GRIN2B: variants seen among roughly 807,000 people sequenced by gnomAD.
GRIN2B encodes the protein glutamate ionotropic receptor NMDA type subunit 2B, also known as glutamate receptor ionotropic, NMDA 2B.
A neutral mutation model predicts 114.5 loss-of-function variants in GRIN2B; 5 were observed. That is an observed-to-expected ratio of 0.04 (90% CI 0.02 to 0.09). GRIN2B has a LOEUF of 0.09. Among genes scored for constraint, GRIN2B ranks in the 10% least tolerant of loss-of-function variants. GRIN2B has a pLI of 1.00. For missense variants in GRIN2B, 1,108 were observed against 1,943.5 expected, an observed-to-expected ratio of 0.57 and a Z score of 8.08; for synonymous variants, 787 against 745.1, an observed-to-expected ratio of 1.06 and a Z score of -0.92.
chr12:13,853,975 A>T (rs529541662), intron 3 of GRIN2B, among the ~76,000 whole-genome samples: 1 of 152,242 alleles, frequency 6.6e-6, no homozygotes, highest in Non-Finnish European at 1.5e-5. Context: ...GTAGTCTAGC[A>T]GGACGGAGAA....
chr12:13,569,603 C>T (rs1047564455), intron 12 of GRIN2B, among the ~76,000 whole-genome samples: 2 of 152,192 alleles, frequency 1.3e-5, no homozygotes, highest in African/African-American at 4.8e-5. Context: ...GACGTCTAGT[C>T]TCTGGAAATG....
intron 4 of GRIN2B, among the ~76,000 whole-genome samples, chr12:13,716,040 C>CA (rs1307222637): frequency 4.6e-5 from 7 of 152,048 alleles, no homozygotes; most frequent in Admixed American, 1.3e-4. Context: ...AACAGCCACA[C>CA]AATCCTTTCT....
chr12:13,765,288 C>G lies in GRIN2B; in HGVS notation c.412-11373G>C, dbSNP rs146306492. On this transcript the variant is annotated intron_variant, in intron 3 of 13. Transcript: ENST00000609686. ...GCTCATAGTAGGACCACAACTAAAC[C>G]GGTTTTGTAGAACATGAGGTGAAAC... is the stretch of plus-strand genomic sequence containing the variant. 5.8e-4 allele frequency among the ~76,000 whole-genome samples: 89 copies of G among 152,304 alleles called. No individual in the cohort carries two copies. In the Middle Eastern group the frequency reaches 0.01, roughly 17 times the overall value.
intron 2 of GRIN2B, among the ~76,000 whole-genome samples, chr12:13,922,805 T>C (rs1442358258): frequency 6.6e-6 from 1 of 152,158 alleles, no homozygotes; most frequent in African/African-American, 2.4e-5. Context: ...CTCCAGTGGA[T>C]AAAATCTCCA....
chr12:13,622,785 C>T (rs537502759), intron 5 of GRIN2B, among the ~76,000 whole-genome samples: 4 of 152,268 alleles, frequency 2.6e-5, no homozygotes, highest in African/African-American at 9.6e-5. Context: ...AACAAATTCA[C>T]TCTCTCAATA....
intron 2 of GRIN2B, among the ~76,000 whole-genome samples, chr12:13,938,988 A>G (rs1347240176): frequency 6.6e-6 from 1 of 152,162 alleles, no homozygotes; most frequent in Non-Finnish European, 1.5e-5. Flanking sequence ...CTCATTCAGG[A>G]AAGAAAGAAA....
intron 3 of GRIN2B, among the ~76,000 whole-genome samples, chr12:13,768,038 C>G (rs933948779): frequency 1.3e-5 from 2 of 152,224 alleles, no homozygotes; most frequent in Non-Finnish European, 2.9e-5. Context: ...AACTCTTCAG[C>G]TACCTAATTG....
At chr12:13,752,743 G>A (rs1056994029) in intron 4 of GRIN2B, among the ~76,000 whole-genome samples, 3 of 152,176 alleles carry the variant, frequency 2.0e-5, no homozygotes, top group African/African-American at 7.2e-5. Flanking sequence ...GCTGGAGGAG[G>A]AAGAGACAAA....
intron 4 of GRIN2B, among the ~76,000 whole-genome samples, chr12:13,726,361 C>A (rs982331131): frequency 4.2e-4 from 63 of 151,780 alleles, no homozygotes; most frequent in Non-Finnish European, 6.5e-4. Context: ...ATGGTGAAAC[C>A]TTGTCTCTAC....
Position 13,543,110 on chromosome 12 carries a change from G to C in GRIN2B, c.*19673C>G, listed in dbSNP as rs1189955873. The C allele has an allele frequency of 6.6e-6, 1 of 152,042 alleles. No homozygotes were observed. The highest frequency in any genetic ancestry group is 1.5e-5 in the Non-Finnish European group (1 of 68,028). The allele number at this position is 152,042 out of a possible 1,614,324, so 9.4% of individuals were successfully genotyped here. ...TAATTTACATTCCTATCATATGGAAGTCAACATTTTGTTGACTTCAATATC... is the reference window on the plus strand; with the variant it reads ...TAATTTACATTCCTATCATATGGAACTCAACATTTTGTTGACTTCAATATC... On this transcript the variant is annotated 3_prime_UTR_variant, in exon 14 of 14. Coordinates refer to ENST00000609686, the MANE Select transcript of GRIN2B (RefSeq NM_000834.5).
intron 5 of GRIN2B, among the ~76,000 whole-genome samples, chr12:13,672,669 T>A (rs1348383975): frequency 6.6e-6 from 1 of 152,160 alleles, no homozygotes; most frequent in Admixed American, 6.6e-5. Flanking sequence ...ACACTAGACA[T>A]CTATCTTCCA....
chr12:13,678,909 C>T (rs1442948688), intron 4 of GRIN2B, among the ~76,000 whole-genome samples: 1 of 151,366 alleles, frequency 6.6e-6, no homozygotes, highest in African/African-American at 2.4e-5. Context: ...CTGGAGTCTT[C>T]AAATAAAGTT....
chr12:13,910,184 T>A (rs1223023829), intron 2 of GRIN2B, among the ~76,000 whole-genome samples: 1 of 152,184 alleles, frequency 6.6e-6, no homozygotes, highest in Non-Finnish European at 1.5e-5. Flanking sequence ...TTATTAAGTA[T>A]CCCTGGTGTG....
rs557836129 is a variant in GRIN2B at position 13,719,856 on chromosome 12, T to C, written c.1010+33461A>G. Among the ~76,000 whole-genome samples the C allele has an allele frequency of 3.3e-5, 5 of 152,170 alleles. No individual in the cohort carries two copies. The East Asian group carries it at 9.7e-4, about 30-fold the overall frequency. On this transcript the variant is annotated intron_variant, in intron 4 of 13. Coordinates refer to ENST00000609686, the MANE Select transcript of GRIN2B (RefSeq NM_000834.5). ...CTCGTTACTTGGTGCTTTTGTCCAT[T>C]AAAATTCTGGAGCCTCTGCTTGCAA...
At chr12:13,619,985 TTACTC>T (rs1473923815) in intron 5 of GRIN2B, among the ~76,000 whole-genome samples, 14 of 152,224 alleles carry the variant, frequency 9.2e-5, no homozygotes, top group Non-Finnish European at 1.5e-4. Context: ...GCTTTGGTAA[TTACTC>T]TAATATCCAC....
intron 3 of GRIN2B, among the ~76,000 whole-genome samples, chr12:13,756,722 C>T (rs1863582809): frequency 6.6e-6 from 1 of 152,168 alleles, no homozygotes; most frequent in Non-Finnish European, 1.5e-5. Flanking sequence ...CAAGAAGGCT[C>T]TTGAATAGAT....
At chr12:13,617,706 C>T (rs1805540) in intron 5 of GRIN2B, among the ~76,000 whole-genome samples, 9,352 of 152,322 alleles carry the variant, frequency 0.061, 407 homozygotes, top group South Asian at 0.12. Context: ...TTCCTCCATG[C>T]AGCAATGCAA....
chr12:13,895,784 G>A (rs945109784), intron 2 of GRIN2B, among the ~76,000 whole-genome samples: 1 of 152,144 alleles, frequency 6.6e-6, no homozygotes, highest in African/African-American at 2.4e-5. Context: ...GTTTTGGAAT[G>A]TAGATCTTTA....
intron 2 of GRIN2B, among the ~76,000 whole-genome samples, chr12:13,943,398 G>A (rs1565595239): frequency 6.6e-6 from 1 of 152,070 alleles, no homozygotes; most frequent in South Asian, 2.1e-4. Context: ...ATTTGTTTAT[G>A]TAAAGGATCC....
Sources: allele counts gnomAD v4.1 joint callset (sites outside exome capture counted in the v4.1 genomes callset), GRCh38; gene constraint gnomAD v4.1.1; transcripts MANE v1.5; gene names NCBI Gene and HGNC (gene_info 2026-07-23, HGNC 2026-07-21).